SLC2A12: variants seen among roughly 807,000 people sequenced by gnomAD.
SLC2A12 encodes the protein solute carrier family 2, facilitated glucose transporter member 12.
In SLC2A12, 23 loss-of-function variants were observed where a neutral mutation model predicts 41.8. That is an observed-to-expected ratio of 0.55 (90% confidence interval 0.40 to 0.78). SLC2A12 has a LOEUF of 0.78. Among genes scored for constraint, SLC2A12 ranks in the 30% least tolerant of loss-of-function variants. SLC2A12 has a pLI of 0.00. For synonymous variants in SLC2A12, 295 were observed against 285.9 expected (o/e 1.03, Z -0.32); for missense variants, 654 against 745.6 (o/e 0.88, Z 1.43).
intron 1 of SLC2A12, among the ~76,000 whole-genome samples, chr6:134,038,353 CTTTTTTTTTTTT>C (rs10584884): frequency 3.1e-5 from 3 of 97,518 alleles, no homozygotes; most frequent in South Asian, 3.1e-4. Flanking sequence ...TTCTTTCTGC[CTTTTTTTTTTTT>C]TTTTTTTTTT....
intron 2 of SLC2A12, among the ~76,000 whole-genome samples, chr6:134,012,386 A>C (rs1317815868): frequency 6.6e-6 from 1 of 152,194 alleles, no homozygotes; most frequent in Non-Finnish European, 1.5e-5. Flanking sequence ...TGGAGTTAAA[A>C]ATGGAACTCT....
Position 134,028,873 on chromosome 6 carries a change from G to C in SLC2A12, c.952C>G (p.Leu318Val). 6.2e-7 allele frequency: 1 copy of C among 1,614,216 alleles called. No homozygotes were observed. The change falls in exon 2 of 5, where the codon CTC becomes GTC. Residue 318 changes from leucine to valine, a missense_variant. Coordinates refer to ENST00000275230, the MANE Select transcript of SLC2A12 (RefSeq NM_145176.3). ...VGFQSNEAASLASTGVGVVKV... is the reference protein window; with the variant it reads ...VGFQSNEAASVASTGVGVVKV... ...ACGACTCCAACCCCAGTGGAGGCGA[G>C]GCTAGCTGCCTCATTGCTTTGAAAT... is the stretch of plus-strand genomic sequence containing the variant.
At chr6:133,994,873 C>T (rs914698778) in intron 4 of SLC2A12, among the ~76,000 whole-genome samples, 9 of 152,004 alleles carry the variant, frequency 5.9e-5, no homozygotes, top group East Asian at 1.9e-4. Context: ...AACCAGGGGA[C>T]GGGTCGCAGA....
At chr6:134,012,680 A>G (rs1316062174) in intron 2 of SLC2A12, among the ~76,000 whole-genome samples, 1 of 146,952 alleles carries the variant, frequency 6.8e-6, no homozygotes, top group Non-Finnish European at 1.5e-5. Context: ...TAAAAAATTT[A>G]GGAACAGGCC....
chr6:133,988,795 A>C lies in SLC2A12; in HGVS notation c.*2360T>G, dbSNP rs1776576008. The C allele has an allele frequency of 6.6e-6, 1 of 152,136 alleles. No homozygotes were observed. The highest frequency in any genetic ancestry group is 1.5e-5 in the Non-Finnish European group (1 of 68,020). 9.4% of individuals were successfully genotyped at this position (152,136 alleles called of 1,614,324 possible). A position where few individuals can be genotyped will look rare whatever the true frequency, so the allele number is the denominator to read the frequency against. On this transcript the variant is annotated 3_prime_UTR_variant, in exon 5 of 5. Coordinates refer to ENST00000275230, the MANE Select transcript of SLC2A12 (RefSeq NM_145176.3). Reference sequence around the variant, plus strand: ...AGTAGGATAGCCAAATTCATAGAGAATAAAATTACATGAAAGAGTTACAAG... The same window carrying C: ...AGTAGGATAGCCAAATTCATAGAGACTAAAATTACATGAAAGAGTTACAAG...
chr6:133,997,085 CAAAAAAAA>C lies in SLC2A12; in HGVS notation c.1700+4904_1700+4911del, dbSNP rs58295985. On this transcript the variant is annotated intron_variant, in intron 4 of 4. Coordinates refer to ENST00000275230, the MANE Select transcript of SLC2A12 (RefSeq NM_145176.3). ...TGAAACCCCGTCTCTACTAAAAATA[CAAAAAAAA>C]AAAAAAAAAAAAAAAAAGCCGGGCG... 9.1e-3 allele frequency among the ~76,000 whole-genome samples: 646 copies of C among 70,730 alleles called. 19 individuals are homozygous for C. In the East Asian group the frequency reaches 0.2, roughly 21 times the overall value. 46.4% of individuals were successfully genotyped at this position (70,730 alleles called of 152,430 possible).
rs1026147026 is a variant in SLC2A12, at chr6:134,028,746, G to A, written c.1079C>T (p.Thr360Ile). Reference protein sequence around the residue: ...GSSVMAASLVTMGIVNLNIHM... With the variant: ...GSSVMAASLVIMGIVNLNIHM... ...GATGTTGAGATTTACGATGCCCATGGTCACCAACGAAGCTGCCATCACAGA... is the reference window on the plus strand; with the variant it reads ...GATGTTGAGATTTACGATGCCCATGATCACCAACGAAGCTGCCATCACAGA... Residue 360 changes from threonine to isoleucine, a missense_variant, in exon 2 of 5, where the codon ACC (threonine) becomes ATC (isoleucine). Thr to Ile is a moderately conservative substitution (Grantham distance 89, BLOSUM62 -1). Coordinates refer to ENST00000275230, the MANE Select transcript of SLC2A12 (RefSeq NM_145176.3). 1.9e-6 allele frequency: 3 copies of A among 1,614,044 alleles called. No individual in the cohort carries two copies. Among genetic ancestry groups the A allele is most frequent in the African/African-American group, 1.3e-5 (1 of 74,928 alleles).
chr6:134,046,104 C>T (rs2114511021), intron 1 of SLC2A12, among the ~76,000 whole-genome samples: 1 of 152,336 alleles, frequency 6.6e-6, no homozygotes, highest in East Asian at 1.9e-4. Flanking sequence ...CTTTGCACAT[C>T]TGAAGCTGAG....
chr6:134,003,817 C>A (rs1287736183), intron 3 of SLC2A12, among the ~76,000 whole-genome samples: 1 of 152,222 alleles, frequency 6.6e-6, no homozygotes, highest in Non-Finnish European at 1.5e-5. Context: ...GTCATGATCA[C>A]TGCAGAGTAC....
intron 2 of SLC2A12, among the ~76,000 whole-genome samples, chr6:134,022,824 C>G (rs1195745988): frequency 6.6e-6 from 1 of 152,192 alleles, no homozygotes; most frequent in African/African-American, 2.4e-5. Flanking sequence ...GAGCTCTTAT[C>G]ACAAGAGATT....
chr6:133,999,641 G>C (rs1181622215), intron 4 of SLC2A12, among the ~76,000 whole-genome samples: 1 of 152,152 alleles, frequency 6.6e-6, no homozygotes, highest in Non-Finnish European at 1.5e-5. Flanking sequence ...GCTCCCCATT[G>C]ACAGCCAGCA....
chr6:134,034,256 C>A (rs1777262711), intron 1 of SLC2A12, among the ~76,000 whole-genome samples: 1 of 152,168 alleles, frequency 6.6e-6, no homozygotes, highest in African/African-American at 2.4e-5. Flanking sequence ...GGACGGCTTA[C>A]CAACATGGAG....
At chr6:134,020,510 A>T (rs1777026927) in intron 2 of SLC2A12, among the ~76,000 whole-genome samples, 1 of 152,222 alleles carries the variant, frequency 6.6e-6, no homozygotes, top group Non-Finnish European at 1.5e-5. Flanking sequence ...CTAGAATACA[A>T]TTGGGGATTG....
chr6:134,029,115 A>C lies in SLC2A12; in HGVS notation c.710T>G (p.Leu237Arg). The C allele has an allele frequency of 2.5e-6, 4 of 1,614,172 alleles. No individual in the cohort carries two copies. The highest frequency in any genetic ancestry group is 3.4e-6 in the Non-Finnish European group (4 of 1,180,038). The change falls in exon 2 of 5, where the codon CTT (leucine) becomes CGT (arginine). Residue 237 changes from leucine (L) to arginine (R), a missense_variant. Physicochemically the swap from Leu to Arg is moderately radical, Grantham distance 102. Transcript: ENST00000275230. ...ATCTGAGAGTGCTCTTAACCTTCCAAGAACCTTGCTAGCAGCTCCCTCTTG... is the reference window on the plus strand; with the variant it reads ...ATCTGAGAGTGCTCTTAACCTTCCACGAACCTTGCTAGCAGCTCCCTCTTG... The part of the protein sequence containing the change: ...KGQEGAASKV[L>R]GRLRALSDTT...
chr6:134,021,386 A>G (rs1777038181), intron 2 of SLC2A12, among the ~76,000 whole-genome samples: 1 of 152,242 alleles, frequency 6.6e-6, no homozygotes, highest in Admixed American at 6.5e-5. Flanking sequence ...ACAGAAAGAA[A>G]AAATATGAGA....
chr6:134,041,039 T>C (rs554830763), intron 1 of SLC2A12, among the ~76,000 whole-genome samples: 2 of 152,222 alleles, frequency 1.3e-5, no homozygotes, highest in Non-Finnish European at 2.9e-5. Flanking sequence ...TGTGGTTCCA[T>C]TGAACCAAGA....
At chr6:134,047,823 G>C (rs1237848967) in intron 1 of SLC2A12, among the ~76,000 whole-genome samples, 1 of 152,224 alleles carries the variant, frequency 6.6e-6, no homozygotes, top group Non-Finnish European at 1.5e-5. Context: ...GTGTGCACCA[G>C]CTAATCTCAG....
chr6:133,998,392 G>A (rs1378161544), intron 4 of SLC2A12, among the ~76,000 whole-genome samples: 3 of 152,180 alleles, frequency 2.0e-5, no homozygotes, highest in East Asian at 3.8e-4. Flanking sequence ...AGAACATTCT[G>A]CTTTCAAGTT....
intron 2 of SLC2A12, 97 bp downstream of exon 2, chr6:134,028,284 T>C (rs960753593): frequency 6.9e-7 from 1 of 1,449,462 alleles, no homozygotes; most frequent in African/African-American, 1.4e-5. Flanking sequence ...ACCAATGTTA[T>C]CCTTGTCTTC....
Sources: allele counts gnomAD v4.1 joint callset (sites outside exome capture counted in the v4.1 genomes callset), GRCh38; gene constraint gnomAD v4.1.1; transcripts MANE v1.5; gene names NCBI Gene and HGNC (gene_info 2026-07-23, HGNC 2026-07-21).